The following DGKB variants were observed in gnomAD, a reference collection of about 807,000 sequenced individuals.
DGKB encodes the protein diacylglycerol kinase beta, also known as 90 kDa diacylglycerol kinase.
DGKB carries 67 observed loss-of-function variants against 114.3 expected under a neutral mutation model. The ratio of observed to expected loss-of-function variants is 0.59; its 90% CI spans 0.48 to 0.72. DGKB has a LOEUF of 0.72. Ranked by LOEUF, DGKB falls within the 30% of genes least tolerant of loss-of-function variation. The pLI is 0.00. For missense variants in DGKB, 907 were observed against 975.2 expected (o/e 0.93, Z 0.93); for synonymous variants, 398 against 323.1 (o/e 1.23, Z -2.49).
At chr7:14,210,151 C>G (rs1038509962) in intron 23 of DGKB, among the ~76,000 whole-genome samples, 2 of 152,120 alleles carry the variant, frequency 1.3e-5, no homozygotes, top group African/African-American at 2.4e-5. Context: ...GTAATCTTGA[C>G]TGCTAGCATC....
intron 1 of DGKB, among the ~76,000 whole-genome samples, chr7:14,856,909 A>G (rs1415398115): frequency 6.6e-6 from 1 of 152,056 alleles, no homozygotes; most frequent in Non-Finnish European, 1.5e-5. Context: ...TGGGGAACAC[A>G]CCTTAGGGTA....
rs560947028 is a variant in DGKB at position 14,479,831 on chromosome 7, C to G, written c.1771-1606G>C. ...AAATGCACTTACTTTTACTTTATCCCTAATCTGGTACAAAATCAACTTGGA... is the reference window on the plus strand; with the variant it reads ...AAATGCACTTACTTTTACTTTATCCGTAATCTGGTACAAAATCAACTTGGA... On this transcript the variant is annotated intron_variant, in intron 20 of 25. Transcript: ENST00000402815. Among the ~76,000 whole-genome samples, 17 of 152,076 alleles carry G rather than the reference C, an allele frequency of 1.1e-4. No individual in the cohort carries two copies. In the East Asian group the frequency reaches 3.3e-3, roughly 30 times the overall value.
intron 23 of DGKB, chr7:14,192,066 G>A: frequency 2.3e-6 from 1 of 437,580 alleles, no homozygotes; most frequent in Non-Finnish European, 4.5e-6. Context: ...AGTCGCTGTG[G>A]GTGTCATCAA....
chr7:14,973,793 T>C (rs1787636609), intron 1 of DGKB, among the ~76,000 whole-genome samples: 1 of 148,760 alleles, frequency 6.7e-6, no homozygotes, highest in South Asian at 2.1e-4. Flanking sequence ...ATAGTAAAAT[T>C]TTAAATTTCA....
chr7:14,902,143 G>T (rs768194848), intron 1 of DGKB, among the ~76,000 whole-genome samples: 1 of 152,086 alleles, frequency 6.6e-6, no homozygotes, highest in Non-Finnish European at 1.5e-5. Flanking sequence ...GAAGACTTTT[G>T]TTTGCTTGCT....
At chr7:14,290,999 A>C (rs1231882399) in intron 23 of DGKB, among the ~76,000 whole-genome samples, 1 of 151,900 alleles carries the variant, frequency 6.6e-6, no homozygotes, top group Non-Finnish European at 1.5e-5. Context: ...AAAATTAGCC[A>C]GGTGTGGTGG....
chr7:14,617,417 A>G (rs1806748168), intron 15 of DGKB, among the ~76,000 whole-genome samples: 2 of 151,674 alleles, frequency 1.3e-5, no homozygotes, highest in African/African-American at 4.8e-5. Context: ...CTCATTCCTC[A>G]AAATATATGT....
At chr7:14,274,384 G>A (rs1777732152) in intron 23 of DGKB, among the ~76,000 whole-genome samples, 1 of 152,054 alleles carries the variant, frequency 6.6e-6, no homozygotes, top group African/African-American at 2.4e-5. Flanking sequence ...ACCTCCTCAA[G>A]TCACTTTCTA....
intron 1 of DGKB, among the ~76,000 whole-genome samples, chr7:14,868,115 CCTT>C (rs1293372198): frequency 1.3e-5 from 2 of 152,036 alleles, no homozygotes; most frequent in African/African-American, 4.8e-5. Flanking sequence ...TGTAACTAGA[CCTT>C]CTTCTTCTGG....
chr7:14,194,469 T>A (rs539463998), intron 23 of DGKB, among the ~76,000 whole-genome samples: 18 of 152,234 alleles, frequency 1.2e-4, no homozygotes, highest in Middle Eastern at 3.4e-3. Flanking sequence ...CCACATTATC[T>A]CACTCATTTT....
At position 14,718,699 on chromosome 7, in the gene DGKB, T is replaced by G; in HGVS notation, c.323-14A>C. The G allele has an allele frequency of 6.3e-7, 1 of 1,590,116 alleles. No individual in the cohort carries two copies. The highest frequency in any genetic ancestry group is 1.1e-5 in the South Asian group (1 of 87,432). ...TCATTCTCAGACCTGGAAAAAAAAT[T>G]GTCTTTATATTTTGTTAATTATTTA... On this transcript the variant is annotated splice_polypyrimidine_tract_variant and intron_variant, in intron 5 of 25. Transcript: ENST00000402815.
intron 23 of DGKB, among the ~76,000 whole-genome samples, chr7:14,210,242 T>C (rs1393183400): frequency 6.6e-6 from 1 of 152,036 alleles, no homozygotes; most frequent in Non-Finnish European, 1.5e-5. Flanking sequence ...GGTGGTGCAA[T>C]GGCCAAGCAA....
In DGKB at chr7:14,745,343, C is replaced by T. The variant is rs180869113; in HGVS notation, c.168+8585G>A. Among the ~76,000 whole-genome samples the T allele has an allele frequency of 2.1e-3, 314 of 152,306 alleles. 2 individuals carry two copies. Among genetic ancestry groups the T allele is most frequent in the African/African-American group, 6.8e-3 (282 of 41,562 alleles). The stretch of plus-strand genomic sequence containing the variant: ...TGCCATATTTCCAAAACAGTGCCCC[C>T]TAAGAGCAGGAAGCAGTTAAGATCA... On this transcript the variant is annotated intron_variant, in intron 4 of 25. Transcript: ENST00000402815.
intron 20 of DGKB, among the ~76,000 whole-genome samples, chr7:14,495,931 A>T (rs1785243434): frequency 6.6e-6 from 1 of 151,836 alleles, no homozygotes; most frequent in African/African-American, 2.4e-5. Flanking sequence ...CACAAAAAAA[A>T]GAGACAAGCT....
chr7:14,682,441 A>G (rs575041954), intron 12 of DGKB, 112 bp downstream of exon 12: 2 of 721,990 alleles, frequency 2.8e-6, no homozygotes, highest in South Asian at 3.4e-5. Flanking sequence ...CCATGGTTTT[A>G]TGCTTACACT....
chr7:14,156,546 C>T (rs74774226), intron 25 of DGKB, among the ~76,000 whole-genome samples: 1 of 152,050 alleles, frequency 6.6e-6, no homozygotes, highest in East Asian at 1.9e-4. Context: ...AATATTATTC[C>T]TCTCTGGATT....
At chr7:14,357,849 C>T (rs567666141) in intron 21 of DGKB, among the ~76,000 whole-genome samples, 1 of 152,134 alleles carries the variant, frequency 6.6e-6, no homozygotes, top group African/African-American at 2.4e-5. Context: ...TTCTCCTTCA[C>T]TTATGAAGCT....
chr7:14,574,511 A>T (rs373353620), intron 19 of DGKB, 139 bp from the exon 20 acceptor site: 1 of 683,874 alleles, frequency 1.5e-6, no homozygotes, highest in Non-Finnish European at 2.4e-6. Flanking sequence ...CCACCAAATG[A>T]AGAATTAATT....
intron 2 of DGKB, among the ~76,000 whole-genome samples, chr7:14,793,467 T>G (rs1292061425): frequency 1.3e-5 from 2 of 152,114 alleles, no homozygotes; most frequent in African/African-American, 4.8e-5. Context: ...TCTGTCTGCT[T>G]TGTATTCTAT....
Sources: gnomAD v4.1 joint callset for allele counts (sites outside exome capture counted in the v4.1 genomes callset) on GRCh38, gnomAD v4.1.1 for gene constraint, MANE v1.5 for transcripts, NCBI Gene and HGNC (gene_info 2026-07-23, HGNC 2026-07-21) for gene names.